USH2A: variants seen among roughly 807,000 people sequenced by gnomAD.
USH2A encodes the protein Usher syndrome 2A (autosomal recessive, mild).
USH2A carries 443 observed loss-of-function variants against 538.9 expected under a neutral mutation model. The ratio of observed to expected loss-of-function variants is 0.82; its 90% confidence interval spans 0.76 to 0.89. The LOEUF is 0.89. Ranked by LOEUF, USH2A falls within the 40% of genes least tolerant of loss-of-function variation. The pLI, the probability that USH2A is intolerant of heterozygous loss-of-function variation, is 0.00. For synonymous variants in USH2A, 2,413 were observed against 2,273.5 expected, an observed-to-expected ratio of 1.06 and a Z score of -1.75; for missense variants, 6,633 against 6,324.8, an observed-to-expected ratio of 1.05 and a Z score of -1.65.
chr1:215,921,167 A>T (rs1403964262), intron 38 of USH2A, among the ~76,000 whole-genome samples: 1 of 152,094 alleles, frequency 6.6e-6, no homozygotes, highest in Non-Finnish European at 1.5e-5. Context: ...AACTATGTAC[A>T]ATCAGAAGAT....
At chr1:215,877,003 T>C (rs1434646224) in intron 43 of USH2A, among the ~76,000 whole-genome samples, 1 of 151,864 alleles carries the variant, frequency 6.6e-6, no homozygotes, top group African/African-American at 2.4e-5. Flanking sequence ...GATCGAGGAG[T>C]TTTCATAAAA....
At chr1:216,085,489 C>T (rs2032100245) in intron 24 of USH2A, among the ~76,000 whole-genome samples, 1 of 151,978 alleles carries the variant, frequency 6.6e-6, no homozygotes, top group Non-Finnish European at 1.5e-5. Context: ...AGAAGGTGCA[C>T]TGAGGTCGAA....
chr1:216,195,709 T>A (rs1053666406), intron 19 of USH2A: 1 of 162,524 alleles, frequency 6.2e-6, no homozygotes, highest in South Asian at 2.1e-4. Context: ...AGGTATAAAG[T>A]GTAAAGATCT....
At chr1:216,243,347 T>C (rs567645456) in intron 13 of USH2A, among the ~76,000 whole-genome samples, 7 of 152,324 alleles carry the variant, frequency 4.6e-5, no homozygotes, top group African/African-American at 1.7e-4. Flanking sequence ...TAAAAGCATC[T>C]ATTCGGAAGT....
At chr1:215,935,399 G>T (rs570416070) in intron 37 of USH2A, among the ~76,000 whole-genome samples, 1 of 152,006 alleles carries the variant, frequency 6.6e-6, no homozygotes, top group Non-Finnish European at 1.5e-5. Context: ...AGCAACTGGG[G>T]ATGGGAGGTA....
intron 35 of USH2A, among the ~76,000 whole-genome samples, chr1:215,985,783 T>C (rs1318925863): frequency 3.9e-5 from 6 of 152,136 alleles, no homozygotes; most frequent in Non-Finnish European, 8.8e-5. Context: ...AGAGTGTGTA[T>C]AAGAGACCTA....
At chr1:216,297,428 T>G (rs892621977) in intron 9 of USH2A, among the ~76,000 whole-genome samples, 3 of 152,154 alleles carry the variant, frequency 2.0e-5, no homozygotes, top group African/African-American at 7.2e-5. Flanking sequence ...TAATAGAATG[T>G]CTTACTTTTA....
rs762245807 is a variant in USH2A at position 215,758,620 on chromosome 1, A to G, written c.11364T>C (p.Ser3788=). Residue 3788 remains serine (S), a synonymous_variant, in exon 58 of 72, where the codon TCT becomes TCC. Transcript: ENST00000307340. ...PYNITVIGPY[S]IFVAWIPPGI... The stretch of plus-strand genomic sequence containing the variant: ...CTGGTGGTATCCAAGCTACAAATAT[A>G]GAATAAGGCCCAATTACTGTGATAT... 6.2e-7 allele frequency: 1 copy of G among 1,613,534 alleles called. No individual in the cohort carries two copies. Among genetic ancestry groups the G allele is most frequent in the Non-Finnish European group, 8.5e-7 (1 of 1,179,868 alleles).
intron 14 of USH2A, among the ~76,000 whole-genome samples, chr1:216,225,208 T>C (rs1415668889): frequency 6.6e-6 from 1 of 152,120 alleles, no homozygotes; most frequent in Non-Finnish European, 1.5e-5. Context: ...TTGGTGTATA[T>C]ACAATAACAA....
chr1:216,283,554 C>T (rs962632030), intron 11 of USH2A, among the ~76,000 whole-genome samples: 1 of 152,132 alleles, frequency 6.6e-6, no homozygotes, highest in Non-Finnish European at 1.5e-5. Context: ...ATATTGTTAT[C>T]TTGCTTTTGA....
chr1:215,650,616 G>A lies in USH2A; in HGVS notation c.14319C>T (p.Ser4773=), dbSNP rs1382011754. ...CCACTGTCTCAGCCCCATGGGCGCT[G>A]CTGGAGAACAGCCTGTAGAGACTGA... ...GIVSLYRLFS[S]SAHGAETVLS... Residue 4773 remains serine (S), a synonymous_variant, in exon 65 of 72, where the codon AGC becomes AGT. Coordinates refer to ENST00000307340, the MANE Select transcript of USH2A (RefSeq NM_206933.4). 1 of 1,614,178 alleles carries A rather than the reference G, an allele frequency of 6.2e-7. No individual in the cohort carries two copies. The highest frequency in any genetic ancestry group is 8.5e-7 in the Non-Finnish European group (1 of 1,180,032).
At chr1:216,288,471 A>G (rs534826072) in intron 11 of USH2A, among the ~76,000 whole-genome samples, 145 of 152,234 alleles carry the variant, frequency 9.5e-4, no homozygotes, top group African/African-American at 3.4e-3. Flanking sequence ...GGAGAAAGAT[A>G]TTTTGTCTTG....
intron 50 of USH2A, among the ~76,000 whole-genome samples, chr1:215,793,568 CAA>C (rs71646414): frequency 0.012 from 1,803 of 149,582 alleles, 34 homozygotes; most frequent in African/African-American, 0.042. Flanking sequence ...TTACACTTTT[CAA>C]AAAAAAAATC....
intron 13 of USH2A, among the ~76,000 whole-genome samples, chr1:216,244,116 T>A (rs1240946759): frequency 6.6e-6 from 1 of 152,204 alleles, no homozygotes; most frequent in African/African-American, 2.4e-5. Flanking sequence ...TTAGGCAGTA[T>A]GTTGAGTAGT....
intron 40 of USH2A, among the ~76,000 whole-genome samples, chr1:215,895,437 A>G (rs1259397870): frequency 1.3e-5 from 2 of 152,176 alleles, no homozygotes; most frequent in Admixed American, 1.3e-4. Context: ...GTGACACTTG[A>G]GCTGGGGCTT....
intron 21 of USH2A, among the ~76,000 whole-genome samples, chr1:216,112,460 T>C (rs904152238): frequency 6.6e-6 from 1 of 152,204 alleles, no homozygotes; most frequent in Non-Finnish European, 1.5e-5. Context: ...AAATGTGTTT[T>C]ATAAAAACTT....
intron 64 of USH2A, among the ~76,000 whole-genome samples, chr1:215,668,195 C>A (rs549306391): frequency 1.3e-5 from 2 of 152,310 alleles, no homozygotes; most frequent in South Asian, 4.1e-4. Flanking sequence ...GATGAAGTAA[C>A]CCTCAAGTGG....
intron 19 of USH2A, among the ~76,000 whole-genome samples, chr1:216,194,938 G>C (rs2034805515): frequency 6.6e-6 from 1 of 152,084 alleles, no homozygotes; most frequent in Non-Finnish European, 1.5e-5. Flanking sequence ...CAGCACTAGA[G>C]GTAAGCATTG....
chr1:216,041,507 T>C lies in USH2A; in HGVS notation c.6325+4924A>G, dbSNP rs185553545. Among the ~76,000 whole-genome samples the C allele has an allele frequency of 1.5e-3, 229 of 152,160 alleles. 1 individual carries two copies. Among genetic ancestry groups the C allele is most frequent in the Non-Finnish European group, 3.5e-4 (24 of 67,972 alleles). On this transcript the variant is annotated intron_variant, in intron 32 of 71. Coordinates refer to ENST00000307340, the MANE Select transcript of USH2A (RefSeq NM_206933.4). ...CAAACCCTACGGGAAGAATGTCGAT[T>C]CTATATGGAAACCTAAAGGGAAACT...
Sources: allele counts gnomAD v4.1 joint callset (sites outside exome capture counted in the v4.1 genomes callset), GRCh38; gene constraint gnomAD v4.1.1; transcripts MANE v1.5; gene names NCBI Gene and HGNC (gene_info 2026-07-23, HGNC 2026-07-21).